The following INPP5F variants were observed in gnomAD, a reference collection of about 807,000 sequenced individuals.
INPP5F encodes the protein phosphatidylinositide 4-phosphatase SAC2.
Under a neutral mutation model 137.2 loss-of-function variants are expected in INPP5F, and 97 were observed. The ratio of observed to expected loss-of-function variants is 0.71; its 90% CI spans 0.60 to 0.84. The LOEUF is 0.84. Among genes scored for constraint, INPP5F ranks in the 40% least tolerant of loss-of-function variants. The pLI, the probability that INPP5F is intolerant of heterozygous loss-of-function variation, is 0.00. For missense variants in INPP5F, 1,271 were observed against 1,371.9 expected (o/e 0.93, Z 1.16); for synonymous variants, 504 against 476.9 (o/e 1.06, Z -0.74).
intron 2 of INPP5F, among the ~76,000 whole-genome samples, chr10:119,754,200 A>G (rs1051113716): frequency 6.6e-6 from 1 of 152,232 alleles, no homozygotes; most frequent in African/African-American, 2.4e-5. Context: ...GGTCACGTAG[A>G]TCAGACCGTG....
At chr10:119,771,629 T>C (rs908968395) in intron 2 of INPP5F, among the ~76,000 whole-genome samples, 3 of 151,480 alleles carry the variant, frequency 2.0e-5, no homozygotes, top group African/African-American at 7.3e-5. Flanking sequence ...TTCCCAGCCT[T>C]CCCAAGTGTA....
chr10:119,804,159 C>T lies in INPP5F; in HGVS notation c.1117-14C>T, dbSNP rs747210355. 1 of 1,568,154 alleles carries T rather than the reference C, an allele frequency of 6.4e-7. No homozygotes were observed. Among genetic ancestry groups the T allele is most frequent in the Admixed American group, 2.0e-5 (1 of 50,342 alleles). Reference sequence around the variant, plus strand: ...AAATCTAACTAAATTTTTTCTGTTTCTTTGCTCTTATAGGTTATTATTAAC... The same window carrying T: ...AAATCTAACTAAATTTTTTCTGTTTTTTTGCTCTTATAGGTTATTATTAAC... On this transcript the variant is annotated splice_polypyrimidine_tract_variant and intron_variant, in intron 9 of 19. Transcript: ENST00000650623.
chr10:119,754,426 C>G (rs1848776260), intron 2 of INPP5F, among the ~76,000 whole-genome samples: 1 of 152,110 alleles, frequency 6.6e-6, no homozygotes, highest in Non-Finnish European at 1.5e-5. Flanking sequence ...CCTTGCCATT[C>G]TTTGGTCCCA....
At chr10:119,800,182 G>T (rs1266563830) in intron 9 of INPP5F, among the ~76,000 whole-genome samples, 1 of 151,956 alleles carries the variant, frequency 6.6e-6, no homozygotes, top group Non-Finnish European at 1.5e-5. Flanking sequence ...CAAGAGAATG[G>T]AAAGGCAGTT....
chr10:119,790,217 G>A (rs773224986), intron 3 of INPP5F, among the ~76,000 whole-genome samples: 2 of 152,092 alleles, frequency 1.3e-5, no homozygotes, highest in African/African-American at 4.8e-5. Flanking sequence ...TGACGGAAAC[G>A]ATCACAGAAA....
intron 15 of INPP5F, chr10:119,814,720 T>C (rs1050330026): frequency 2.6e-5 from 4 of 152,380 alleles, no homozygotes; most frequent in African/African-American, 7.2e-5. Context: ...AATGAAACCT[T>C]TAAGTTCATT....
At position 119,823,099 on chromosome 10, in the gene INPP5F, A is replaced by G; in HGVS notation, c.2061A>G (p.Pro687=). The change falls in exon 18 of 20, where the codon CCA becomes CCG. Residue 687 remains proline, a synonymous_variant. Coordinates refer to ENST00000650623, the MANE Select transcript of INPP5F (RefSeq NM_014937.4). ...CTGAACCCACTCTTTTTGGTAAGCC[A>G]AAGTTCTCCTGCATGCGACTGCACT... ...IGPEPTLFGK[P]KFSCMRLHYR... is the part of the protein sequence containing the mutation. 1 of 1,613,894 alleles carries G rather than the reference A, an allele frequency of 6.2e-7. No homozygotes were observed. Among genetic ancestry groups the G allele is most frequent in the Non-Finnish European group, 8.5e-7 (1 of 1,179,932 alleles).
Position 119,827,361 on chromosome 10 carries a change from C to G in INPP5F, c.2980C>G (p.Gln994Glu). 6.2e-7 allele frequency: 1 copy of G among 1,614,186 alleles called. No individual in the cohort carries two copies. The highest frequency in any genetic ancestry group is 8.5e-7 in the Non-Finnish European group (1 of 1,180,018). ...ASQERNQMTN[Q>E]VSNETQSEST... ...TCAGGAAAGAAATCAAATGACCAAT[C>G]AAGTTTCAAATGAAACCCAATCAGA... The change falls in exon 20 of 20, where the codon CAA becomes GAA. Residue 994 changes from glutamine to glutamate, a missense_variant. Gln to Glu is a conservative substitution (Grantham distance 29). Transcript: ENST00000650623.
intron 2 of INPP5F, among the ~76,000 whole-genome samples, chr10:119,775,311 G>A (rs1401328858): frequency 6.6e-6 from 1 of 152,086 alleles, no homozygotes; most frequent in Non-Finnish European, 1.5e-5. Flanking sequence ...AGGCTGGAGT[G>A]CAGTGGTGTG....
At chr10:119,810,523 TA>T (rs1358332237) in intron 14 of INPP5F, among the ~76,000 whole-genome samples, 2 of 152,230 alleles carry the variant, frequency 1.3e-5, no homozygotes, top group Non-Finnish European at 1.5e-5. Flanking sequence ...CCTCAACAAT[TA>T]AAAACTTCAT....
chr10:119,741,314 G>A (rs892360745), intron 1 of INPP5F, among the ~76,000 whole-genome samples: 2 of 152,140 alleles, frequency 1.3e-5, no homozygotes, highest in African/African-American at 4.8e-5. Flanking sequence ...CTGCCCTGCT[G>A]GAGGAAGCGG....
At chr10:119,816,034 T>C (rs887678809) in intron 15 of INPP5F, 1 of 152,228 alleles carries the variant, frequency 6.6e-6, no homozygotes, top group East Asian at 1.9e-4. Flanking sequence ...GCCAACAGCT[T>C]CTCAGGTCAT....
At chr10:119,736,935 C>T (rs552256559) in intron 1 of INPP5F, among the ~76,000 whole-genome samples, 35 of 152,242 alleles carry the variant, frequency 2.3e-4, no homozygotes, top group African/African-American at 7.9e-4. Flanking sequence ...GTGATCCTCC[C>T]GCCTCAGCCT....
intron 3 of INPP5F, among the ~76,000 whole-genome samples, chr10:119,790,940 T>G (rs1477284711): frequency 2.0e-5 from 3 of 152,220 alleles, no homozygotes; most frequent in South Asian, 4.1e-4. Flanking sequence ...AATTACTGCT[T>G]CTTCAAGTTT....
At chr10:119,745,145 G>C (rs1848493425) in intron 1 of INPP5F, among the ~76,000 whole-genome samples, 1 of 152,048 alleles carries the variant, frequency 6.6e-6, no homozygotes, top group Non-Finnish European at 1.5e-5. Context: ...TTTCTGCCAT[G>C]CTCCCTCTTG....
intron 15 of INPP5F, among the ~76,000 whole-genome samples, chr10:119,813,174 A>G (rs1851113501): frequency 1.3e-5 from 2 of 152,190 alleles, no homozygotes; most frequent in Admixed American, 1.3e-4. Context: ...TTGATTTCCA[A>G]TTCTGTAATT....
At chr10:119,783,321 G>C (rs933837311) in intron 3 of INPP5F, among the ~76,000 whole-genome samples, 1 of 152,142 alleles carries the variant, frequency 6.6e-6, no homozygotes, top group African/African-American at 2.4e-5. Flanking sequence ...CCTTTCCCTT[G>C]AGGGTGGGCA....
chr10:119,822,343 T>C (rs1038610533), intron 16 of INPP5F, 88 bp from the exon 17 acceptor site: 2 of 621,132 alleles, frequency 3.2e-6, no homozygotes, highest in Non-Finnish European at 2.8e-6. Context: ...TAACTGTATG[T>C]AACAGTTTGC....
chr10:119,808,082 C>T, intron 13 of INPP5F, 22 bp downstream of exon 13: 1 of 1,605,158 alleles, frequency 6.2e-7, no homozygotes, highest in Non-Finnish European at 8.5e-7. Flanking sequence ...CAGGAAGCAT[C>T]TGTGGGTCAT....
Sources: gnomAD v4.1 joint callset for allele counts (sites outside exome capture counted in the v4.1 genomes callset) on GRCh38, gnomAD v4.1.1 for gene constraint, MANE v1.5 for transcripts, NCBI Gene and HGNC (gene_info 2026-07-23, HGNC 2026-07-21) for gene names.